Variants in GPR158 observed in about 807,000 individuals in gnomAD.
GPR158 encodes the protein metabotropic glycine receptor.
In GPR158, 30 loss-of-function variants were observed where a neutral mutation model predicts 78.2. That is an observed-to-expected ratio of 0.38 (90% CI 0.29 to 0.52). GPR158 has a LOEUF of 0.52. GPR158 is among the 20% of genes least tolerant of loss of function. The pLI is 0.83. For missense variants in GPR158, 1,463 were observed against 1,523.5 expected, an observed-to-expected ratio of 0.96 and a Z score of 0.66; for synonymous variants, 581 against 591.1, an observed-to-expected ratio of 0.98 and a Z score of 0.25.
intron 5 of GPR158, among the ~76,000 whole-genome samples, chr10:25,520,907 C>T (rs1274517828): frequency 1.3e-5 from 2 of 152,320 alleles, no homozygotes; most frequent in East Asian, 3.9e-4. Context: ...TTGGAGCTTC[C>T]CGGCTTCTTT....
intron 5 of GPR158, among the ~76,000 whole-genome samples, chr10:25,485,533 T>C (rs1835724905): frequency 6.6e-6 from 1 of 152,104 alleles, no homozygotes; most frequent in Non-Finnish European, 1.5e-5. Flanking sequence ...TTCCAGAATT[T>C]ATCAGAAAAG....
intron 6 of GPR158, among the ~76,000 whole-genome samples, chr10:25,563,299 T>C (rs1299002297): frequency 6.6e-6 from 1 of 152,136 alleles, no homozygotes; most frequent in Non-Finnish European, 1.5e-5. Flanking sequence ...TTACATAGAA[T>C]ATCATTTGCT....
chr10:25,437,498 T>C (rs1835012203), intron 4 of GPR158, among the ~76,000 whole-genome samples: 1 of 152,166 alleles, frequency 6.6e-6, no homozygotes, highest in Non-Finnish European at 1.5e-5. Flanking sequence ...ATTGCTGGGA[T>C]TACAGGCATG....
rs1049644479 is a variant in GPR158, at chr10:25,176,881, G to C, written c.902+559G>C. On this transcript the variant is annotated intron_variant, in intron 1 of 10. Coordinates refer to ENST00000376351, the MANE Select transcript of GPR158 (RefSeq NM_020752.3). The surrounding 1 kb of genome is among the most constrained non-coding windows in gnomAD (Gnocchi z 6.3). ...AACTGTGCCATCTCCTCGCAGTTCC[G>C]GCCCCTCAGCAGTGAGTCAGTCCCA... Among the ~76,000 whole-genome samples, 9 of 152,248 alleles carry C rather than the reference G, an allele frequency of 5.9e-5. No individual in the cohort carries two copies. Among genetic ancestry groups the C allele is most frequent in the Admixed American group, 2.0e-4 (3 of 15,288 alleles).
intron 2 of GPR158, among the ~76,000 whole-genome samples, chr10:25,381,385 G>C (rs759268442): frequency 6.6e-6 from 1 of 152,078 alleles, no homozygotes; most frequent in Non-Finnish European, 1.5e-5. Flanking sequence ...CAAGATGTTT[G>C]GGTAGTAACT....
chr10:25,484,788 G>C (rs1202756829), intron 5 of GPR158, among the ~76,000 whole-genome samples: 1 of 152,072 alleles, frequency 6.6e-6, no homozygotes, highest in Non-Finnish European at 1.5e-5. Flanking sequence ...TTTCTTCCTT[G>C]AATACAAAAA....
intron 5 of GPR158, among the ~76,000 whole-genome samples, chr10:25,528,091 A>G (rs570720805): frequency 5.3e-5 from 8 of 152,188 alleles, no homozygotes; most frequent in South Asian, 2.1e-4. Context: ...AGCTATTTCT[A>G]TTACACATTT....
intron 2 of GPR158, among the ~76,000 whole-genome samples, chr10:25,314,355 T>G (rs1011213855): frequency 6.6e-6 from 1 of 152,152 alleles, no homozygotes; most frequent in Non-Finnish European, 1.5e-5. Flanking sequence ...CACCTCGGCC[T>G]CCCAAAATGC....
chr10:25,508,378 C>T (rs527689202), intron 5 of GPR158, among the ~76,000 whole-genome samples: 5 of 152,156 alleles, frequency 3.3e-5, no homozygotes, highest in South Asian at 4.1e-4. Flanking sequence ...GGGAAAATTA[C>T]GGGTACTTAT....
rs188531791 is a variant in GPR158, at chr10:25,200,243, T to A, written c.903-20809T>A. On this transcript the variant is annotated intron_variant, in intron 1 of 10. Coordinates refer to ENST00000376351, the MANE Select transcript of GPR158 (RefSeq NM_020752.3). ...TGAGATGGTATCATTGTGGTTTTGA[T>A]TTGTATTTCTCTAATGATTAGCGAT... 2.5e-3 allele frequency among the ~76,000 whole-genome samples: 380 copies of A among 152,306 alleles called. 3 individuals carry two copies. Among genetic ancestry groups the A allele is most frequent in the South Asian group, 0.011 (54 of 4,820 alleles).
At chr10:25,430,788 C>T (rs1334164461) in intron 4 of GPR158, among the ~76,000 whole-genome samples, 3 of 148,144 alleles carry the variant, frequency 2.0e-5, no homozygotes, top group Admixed American at 1.4e-4. Flanking sequence ...ATAAATGGTG[C>T]TGGGAAAACT....
intron 5 of GPR158, among the ~76,000 whole-genome samples, chr10:25,517,135 TG>T (rs1330291940): frequency 6.8e-6 from 1 of 147,044 alleles, no homozygotes; most frequent in East Asian, 2.0e-4. Flanking sequence ...TTGAAGCAAT[TG>T]TGAATGGGAG....
At chr10:25,479,386 A>G (rs1283405662) in intron 5 of GPR158, among the ~76,000 whole-genome samples, 1 of 151,964 alleles carries the variant, frequency 6.6e-6, no homozygotes, top group East Asian at 1.9e-4. Context: ...GATCTTGAAG[A>G]TAGCTTGATT....
intron 5 of GPR158, among the ~76,000 whole-genome samples, chr10:25,478,749 CTCG>C (rs1487047326): frequency 6.6e-6 from 1 of 151,240 alleles, no homozygotes; most frequent in Non-Finnish European, 1.5e-5. Flanking sequence ...CACCCATTAA[CTCG>C]TCATTTACAT....
intron 2 of GPR158, among the ~76,000 whole-genome samples, chr10:25,312,045 C>T (rs751364073): frequency 2.0e-4 from 31 of 151,734 alleles, no homozygotes; most frequent in Non-Finnish European, 3.4e-4. Context: ...AATTATCTGG[C>T]CTTATACAAA....
At chr10:25,285,944 G>A (rs865852005) in intron 2 of GPR158, among the ~76,000 whole-genome samples, 1 of 152,132 alleles carries the variant, frequency 6.6e-6, no homozygotes, top group Non-Finnish European at 1.5e-5. Context: ...GCACTTTAAA[G>A]GTGGCATTCC....
intron 1 of GPR158, among the ~76,000 whole-genome samples, chr10:25,198,550 T>C (rs984621203): frequency 3.3e-5 from 5 of 152,166 alleles, no homozygotes; most frequent in Admixed American, 3.3e-4. Context: ...TCTGGCAATA[T>C]TTTGGGAAGA....
At chr10:25,265,665 T>C (rs1185730398) in intron 2 of GPR158, among the ~76,000 whole-genome samples, 2 of 152,278 alleles carry the variant, frequency 1.3e-5, no homozygotes, top group Middle Eastern at 3.4e-3. Flanking sequence ...AGCAGGTTAT[T>C]GAAAGAATGA....
At chr10:25,341,227 A>G (rs1787339579) in intron 2 of GPR158, among the ~76,000 whole-genome samples, 1 of 152,030 alleles carries the variant, frequency 6.6e-6, no homozygotes, top group Non-Finnish European at 1.5e-5. Context: ...ATGTTTCTAA[A>G]TGACAGTCTG....
Sources: gnomAD v4.1 joint callset for allele counts (sites outside exome capture counted in the v4.1 genomes callset) on GRCh38, gnomAD v4.1.1 for gene constraint, Gnocchi (gnomAD v3.1) non-coding constraint, MANE v1.5 for transcripts, NCBI Gene and HGNC (gene_info 2026-07-23, HGNC 2026-07-21) for gene names.